NUP98: variants seen among roughly 807,000 people sequenced by gnomAD.
The protein encoded by NUP98 is nucleoporin 98 and 96 precursor.
Under a neutral mutation model 191.9 loss-of-function variants are expected in NUP98, and 26 were observed. The observed-to-expected ratio is 0.14, with a 90% confidence interval of 0.10 to 0.19. The LOEUF (loss-of-function observed/expected upper bound fraction) is 0.19, where lower values mean the gene tolerates loss of function less well. NUP98 is among the 10% of genes least tolerant of loss of function. NUP98 has a pLI of 1.00. For synonymous variants in NUP98, 808 were observed against 778.4 expected, an observed-to-expected ratio of 1.04 and a Z score of -0.63; for missense variants, 1,941 against 2,178.8, an observed-to-expected ratio of 0.89 and a Z score of 2.17.
intron 12 of NUP98, among the ~76,000 whole-genome samples, chr11:3,737,827 T>C (rs141113375): frequency 3.5e-3 from 534 of 152,078 alleles, no homozygotes; most frequent in African/African-American, 0.013. Flanking sequence ...GAGTAAATCA[T>C]CTGTATTCAG....
intron 29 of NUP98, 104 bp from the exon 30 acceptor site, chr11:3,683,545 C>A: frequency 2.4e-6 from 2 of 817,544 alleles, no homozygotes; most frequent in Non-Finnish European, 1.8e-6. Flanking sequence ...AACTGCAGGT[C>A]TTTTTTTTTT....
At chr11:3,681,353 T>TA (rs1287098658) in intron 30 of NUP98, among the ~76,000 whole-genome samples, 1 of 152,206 alleles carries the variant, frequency 6.6e-6, no homozygotes, top group Non-Finnish European at 1.5e-5. Flanking sequence ...CAAATACATC[T>TA]ACAATGGTGA....
At chr11:3,792,536 G>A (rs556935000) in intron 1 of NUP98, among the ~76,000 whole-genome samples, 11 of 152,070 alleles carry the variant, frequency 7.2e-5, no homozygotes, top group South Asian at 2.1e-4. Context: ...ACCTGAACCC[G>A]GAATGCAGAG....
intron 1 of NUP98, among the ~76,000 whole-genome samples, chr11:3,796,500 T>C (rs908353795): frequency 1.3e-5 from 2 of 152,264 alleles, no homozygotes; most frequent in Admixed American, 6.5e-5. Context: ...TCTCAAGCTC[T>C]AGGTTAGGGT....
At chr11:3,704,810 A>G (rs1706495419) in intron 22 of NUP98, among the ~76,000 whole-genome samples, 1 of 152,220 alleles carries the variant, frequency 6.6e-6, no homozygotes, top group Non-Finnish European at 1.5e-5. Context: ...GTTCAAGACC[A>G]GCCTGGGGCA....
At chr11:3,756,745 T>G (rs141277555) in intron 10 of NUP98, among the ~76,000 whole-genome samples, 4 of 152,028 alleles carry the variant, frequency 2.6e-5, no homozygotes, top group African/African-American at 9.7e-5. Flanking sequence ...TGGGGAGACA[T>G]CATATATATC....
At chr11:3,719,268 A>G (rs1219203724) in intron 18 of NUP98, 144 bp downstream of exon 18, 1 of 548,064 alleles carries the variant, frequency 1.8e-6, no homozygotes, top group Non-Finnish European at 3.2e-6. Flanking sequence ...TGCCATTTAT[A>G]CTTTTAAATC....
chr11:3,735,662 G>A (rs1293556529), intron 12 of NUP98, among the ~76,000 whole-genome samples: 2 of 151,804 alleles, frequency 1.3e-5, no homozygotes, highest in African/African-American at 4.8e-5. Context: ...TGAAATAGCT[G>A]CATAAAAAGC....
intron 10 of NUP98, among the ~76,000 whole-genome samples, chr11:3,755,525 G>C (rs543990596): frequency 4.6e-5 from 7 of 151,992 alleles, no homozygotes; most frequent in Non-Finnish European, 1.0e-4. Flanking sequence ...ACAGAATAAA[G>C]AGACTATTTT....
Position 3,719,551 on chromosome 11 carries a change from C to CTA in NUP98, c.2261-3_2261-2dup, listed in dbSNP as rs1281065027. The CTA allele has an allele frequency of 6.4e-7, 1 of 1,551,828 alleles. No homozygotes were observed. ...CCTTCAAAATAGATTGAACCATAAC[C>CTA]TATAAATCAGAGCAAATAGTTAAAA... On this transcript the variant is annotated splice_acceptor_variant, in intron 17 of 32. Transcript: ENST00000324932. LOFTEE classifies it high-confidence loss of function.
At chr11:3,780,683 C>A (rs929367472) in intron 2 of NUP98, among the ~76,000 whole-genome samples, 2 of 151,894 alleles carry the variant, frequency 1.3e-5, no homozygotes, top group African/African-American at 2.4e-5. Flanking sequence ...TGCTTGTAAT[C>A]CCCTCGCTTT....
At position 3,713,799 on chromosome 11, in the gene NUP98, C is replaced by T. The variant is rs2079091558; in HGVS notation, c.2577+19G>A. 8 of 1,599,586 alleles carry T rather than the reference C, an allele frequency of 5.0e-6. No individual in the cohort carries two copies. In the Admixed American group the frequency reaches 1.4e-4, roughly 29 times the overall value. ...CAAATATAGTTTATAAAAGTCTGAA[C>T]TGGGTTAAATGACTATACCTTAAAC... On this transcript the variant is annotated intron_variant, in intron 19 of 32. Coordinates refer to ENST00000324932, the MANE Select transcript of NUP98 (RefSeq NM_016320.5).
intron 8 of NUP98, among the ~76,000 whole-genome samples, chr11:3,766,689 CAAA>C (rs544567161): frequency 3.4e-5 from 2 of 58,880 alleles, no homozygotes; most frequent in Admixed American, 2.0e-4. Flanking sequence ...AACTCCGTCT[CAAA>C]AAAAAAAAAA....
intron 23 of NUP98, among the ~76,000 whole-genome samples, chr11:3,702,197 C>T (rs1203713581): frequency 6.6e-6 from 1 of 151,620 alleles, no homozygotes; most frequent in South Asian, 2.1e-4. Flanking sequence ...GAGATCGTGC[C>T]ACCGCACCCC....
At chr11:3,692,431 T>C (rs1027016655) in intron 27 of NUP98, among the ~76,000 whole-genome samples, 3 of 151,342 alleles carry the variant, frequency 2.0e-5, no homozygotes, top group Admixed American at 6.6e-5. Context: ...ATCGAGACCA[T>C]CCTGGCTAAC....
Position 3,753,333 on chromosome 11 carries a change from C to A in NUP98, c.1250G>T (p.Gly417Val), listed in dbSNP as rs1476862455. The A allele has an allele frequency of 1.2e-6, 2 of 1,613,866 alleles. No individual in the cohort carries two copies. The highest frequency in any genetic ancestry group is 3.3e-5 in the Admixed American group (2 of 59,994). Residue 417 changes from glycine to valine, a missense_variant, in exon 11 of 33, where the codon GGT becomes GTT. By Grantham distance (109) the Gly-to-Val change is moderately radical (BLOSUM62 -3). Transcript: ENST00000324932. ...PAPGTLGTGL[G>V]AGFGTALGAG... ...TTTCTTACCTGTTCCAAATCCTGCA[C>A]CAAGCCCAGTTCCAAGAGTCCCAGG...
chr11:3,740,807 T>C (rs1014549446), intron 12 of NUP98, among the ~76,000 whole-genome samples: 4 of 150,440 alleles, frequency 2.7e-5, no homozygotes, highest in African/African-American at 9.7e-5. Flanking sequence ...CTTTTAAATA[T>C]AAATATATAT....
At chr11:3,682,405 A>C (rs767077387) in intron 30 of NUP98, among the ~76,000 whole-genome samples, 9 of 152,164 alleles carry the variant, frequency 5.9e-5, no homozygotes, top group Non-Finnish European at 1.3e-4. Flanking sequence ...CTTTTGTTTA[A>C]AGTTAGAGTT....
chr11:3,687,735 G>A (rs995205610), intron 28 of NUP98, among the ~76,000 whole-genome samples: 2 of 152,212 alleles, frequency 1.3e-5, no homozygotes, highest in African/African-American at 2.4e-5. Flanking sequence ...TGGTTAATAA[G>A]GAAATGTTAT....
Sources: allele counts gnomAD v4.1 joint callset (sites outside exome capture counted in the v4.1 genomes callset), GRCh38; gene constraint gnomAD v4.1.1; transcripts MANE v1.5; gene names NCBI Gene and HGNC (gene_info 2026-07-23, HGNC 2026-07-21).